ELMO1: variants seen among roughly 807,000 people sequenced by gnomAD.
ELMO1 encodes the protein engulfment and cell motility protein 1.
In ELMO1, 26 loss-of-function variants were observed where a neutral mutation model predicts 98.9. The observed-to-expected ratio is 0.26, with a 90% confidence interval of 0.19 to 0.36. The LOEUF is 0.36. Among genes scored for constraint, ELMO1 ranks in the 10% least tolerant of loss-of-function variants. The pLI is 1.00. For missense variants in ELMO1, 627 were observed against 935.2 expected (o/e 0.67, Z 4.30); for synonymous variants, 346 against 346.0 (o/e 1.00, Z 0.00).
At chr7:37,003,902 C>T (rs1189868803) in intron 16 of ELMO1, among the ~76,000 whole-genome samples, 7 of 152,124 alleles carry the variant, frequency 4.6e-5, no homozygotes, top group Non-Finnish European at 8.8e-5. Flanking sequence ...TGCCCTCAAC[C>T]CTCCATTCAT....
chr7:37,098,619 T>G (rs1032926078), intron 14 of ELMO1, among the ~76,000 whole-genome samples: 1 of 152,238 alleles, frequency 6.6e-6, no homozygotes, highest in Non-Finnish European at 1.5e-5. Context: ...GCACTCAGTC[T>G]GCCCAAGCAT....
In ELMO1 at chr7:37,261,784, T is replaced by C. The variant is rs1795990754; in HGVS notation, c.244-2434A>G. On this transcript the variant is annotated intron_variant, in intron 5 of 21. Transcript: ENST00000310758. Reference sequence around the variant, plus strand: ...GCCTGGCTAATTTTTCAATTTTTAGTAGACACAGGGTTTCACCATGTTGGC... The same window carrying C: ...GCCTGGCTAATTTTTCAATTTTTAGCAGACACAGGGTTTCACCATGTTGGC... 3.3e-5 allele frequency among the ~76,000 whole-genome samples: 5 copies of C among 152,168 alleles called. No homozygotes were observed. The South Asian group carries it at 1.0e-3, about 31-fold the overall frequency.
rs528316828 is a variant in ELMO1 at position 37,189,474 on chromosome 7, T to C, written c.1086+21912A>G. 2.6e-5 allele frequency among the ~76,000 whole-genome samples: 4 copies of C among 152,312 alleles called. No individual in the cohort carries two copies. In the East Asian group the frequency reaches 5.8e-4, roughly 22 times the overall value. ...ATGAGTGTATATAACATATGCTATA[T>C]AACTGAAGAAAGACACAGGGAAGTT... On this transcript the variant is annotated intron_variant, in intron 13 of 21. Transcript: ENST00000310758.
chr7:37,047,423 G>T (rs1459089975), intron 15 of ELMO1, among the ~76,000 whole-genome samples: 1 of 152,210 alleles, frequency 6.6e-6, no homozygotes, highest in African/African-American at 2.4e-5. Flanking sequence ...CTTGGCCCCA[G>T]TTAAGGCTGG....
At position 37,438,273 on chromosome 7, in the gene ELMO1, TA is replaced by T. The variant is rs1466590630; in HGVS notation, c.-74+10401del. ...TTTTTATGATTTCAGCAAGATAGTT[TA>T]ATAAAGAACCTGAATAGAAACTACT... On this transcript the variant is annotated intron_variant, in intron 1 of 21. Coordinates refer to ENST00000310758, the MANE Select transcript of ELMO1 (RefSeq NM_014800.11). Among the ~76,000 whole-genome samples, 14 of 150,660 alleles carry T rather than the reference TA, an allele frequency of 9.3e-5. 1 individual carries two copies. In the East Asian group the frequency reaches 2.1e-3, roughly 23 times the overall value.
intron 15 of ELMO1, among the ~76,000 whole-genome samples, chr7:37,086,368 GAA>G (rs1783777320): frequency 6.8e-6 from 1 of 146,692 alleles, no homozygotes; most frequent in Admixed American, 6.9e-5. Context: ...GTGTGTGTGT[GAA>G]GAGAAGGAGA....
chr7:37,146,602 C>T (rs544798042), intron 13 of ELMO1, among the ~76,000 whole-genome samples: 1 of 152,242 alleles, frequency 6.6e-6, no homozygotes, highest in South Asian at 2.1e-4. Context: ...GACTTTGTAA[C>T]CCCCAACATG....
chr7:37,398,330 A>G (rs976278383), intron 1 of ELMO1, among the ~76,000 whole-genome samples: 6 of 152,178 alleles, frequency 3.9e-5, no homozygotes, highest in Non-Finnish European at 8.8e-5. Context: ...AAAACATCAA[A>G]GTTTCCTTCA....
chr7:36,861,549 G>A, intron 21 of ELMO1, 110 bp downstream of exon 21: 1 of 1,285,262 alleles, frequency 7.8e-7, no homozygotes, highest in South Asian at 1.4e-5. Flanking sequence ...ATGCCCCTTG[G>A]TTCATCATTT....
intron 17 of ELMO1, among the ~76,000 whole-genome samples, chr7:36,894,319 T>C (rs963913581): frequency 3.9e-5 from 6 of 152,144 alleles, no homozygotes; most frequent in Admixed American, 1.3e-4. Context: ...GGAATGTAGG[T>C]TCACAGTCAT....
intron 16 of ELMO1, among the ~76,000 whole-genome samples, chr7:36,917,539 T>C (rs1784799044): frequency 6.6e-6 from 1 of 152,132 alleles, no homozygotes; most frequent in Non-Finnish European, 1.5e-5. Context: ...GAAAAGATGC[T>C]CAAACTGACT....
intron 16 of ELMO1, among the ~76,000 whole-genome samples, chr7:37,000,979 A>T (rs1171268933): frequency 6.8e-6 from 1 of 147,910 alleles, no homozygotes; most frequent in Non-Finnish European, 1.5e-5. Context: ...TTTAACAAGG[A>T]GTTCCAACCA....
At chr7:37,003,806 G>C (rs1380403575) in intron 16 of ELMO1, among the ~76,000 whole-genome samples, 4 of 152,148 alleles carry the variant, frequency 2.6e-5, no homozygotes. Flanking sequence ...ACTTCTTCTA[G>C]CTCTTGTTTT....
intron 4 of ELMO1, among the ~76,000 whole-genome samples, chr7:37,306,159 T>C (rs1297969332): frequency 6.6e-6 from 1 of 152,200 alleles, no homozygotes; most frequent in Non-Finnish European, 1.5e-5. Flanking sequence ...AAGATTCAGC[T>C]TTCGAAGCAA....
At chr7:37,373,563 C>G (rs1169155025) in intron 1 of ELMO1, among the ~76,000 whole-genome samples, 2 of 151,256 alleles carry the variant, frequency 1.3e-5, no homozygotes, top group Non-Finnish European at 2.9e-5. Flanking sequence ...GAGCCGAGAT[C>G]ATCCCACTGC....
intron 1 of ELMO1, among the ~76,000 whole-genome samples, chr7:37,442,288 G>A (rs981727936): frequency 2.0e-5 from 3 of 152,178 alleles, no homozygotes; most frequent in African/African-American, 4.8e-5. Flanking sequence ...AAAAAGAACC[G>A]TACAAGTAGC....
intron 13 of ELMO1, among the ~76,000 whole-genome samples, chr7:37,167,833 C>G (rs373169950): frequency 6.7e-6 from 1 of 149,932 alleles, no homozygotes; most frequent in Non-Finnish European, 1.5e-5. Flanking sequence ...TTGCTCTTCT[C>G]GAGGAGTATC....
chr7:37,065,407 G>A (rs1796904069), intron 15 of ELMO1, among the ~76,000 whole-genome samples: 1 of 152,050 alleles, frequency 6.6e-6, no homozygotes, highest in Admixed American at 6.6e-5. Context: ...CGCTAGCTAA[G>A]GACTCCAGTG....
intron 4 of ELMO1, among the ~76,000 whole-genome samples, chr7:37,311,967 T>G (rs1798911322): frequency 6.6e-6 from 1 of 152,232 alleles, no homozygotes; most frequent in Non-Finnish European, 1.5e-5. Context: ...CTCAATAGTT[T>G]GAATGTTCTG....
Sources: gnomAD v4.1 joint callset for allele counts (sites outside exome capture counted in the v4.1 genomes callset) on GRCh38, gnomAD v4.1.1 for gene constraint, MANE v1.5 for transcripts, NCBI Gene and HGNC (gene_info 2026-07-23, HGNC 2026-07-21) for gene names.